Variants in FYN observed in about 807,000 individuals in gnomAD.
FYN encodes the protein FYN proto-oncogene, Src family tyrosine kinase.
In FYN, 10 loss-of-function variants were observed where a neutral mutation model predicts 70.2. The ratio of observed to expected loss-of-function variants is 0.14; its 90% CI spans 0.09 to 0.24. The LOEUF (loss-of-function observed/expected upper bound fraction) is 0.24, where lower values mean the gene tolerates loss of function less well. Among genes scored for constraint, FYN ranks in the 10% least tolerant of loss-of-function variants. The probability of loss-of-function intolerance (pLI) is 1.00; values close to 1 mark genes in which losing one functional copy is unlikely to be tolerated. For synonymous variants in FYN, 236 were observed against 248.6 expected, an observed-to-expected ratio of 0.95 and a Z score of 0.48; for missense variants, 319 against 673.1, an observed-to-expected ratio of 0.47 and a Z score of 5.82.
intron 2 of FYN, among the ~76,000 whole-genome samples, chr6:111,783,537 C>G (rs1410594652): frequency 1.3e-5 from 2 of 152,176 alleles, no homozygotes. Context: ...GTTTCAAGAG[C>G]TGCAACGCCT....
chr6:111,855,111 A>G (rs1207756061), intron 1 of FYN, among the ~76,000 whole-genome samples: 1 of 152,230 alleles, frequency 6.6e-6, no homozygotes, highest in East Asian at 1.9e-4. Flanking sequence ...AGAAGAAAAA[A>G]ACTTCACCAA....
chr6:111,767,010 A>G (rs1415705523), intron 3 of FYN, among the ~76,000 whole-genome samples: 2 of 152,362 alleles, frequency 1.3e-5, no homozygotes, highest in African/African-American at 4.8e-5. Context: ...TATAGGGGAT[A>G]TAGTTGTCCT....
chr6:111,727,850 C>T (rs1414632211), intron 3 of FYN, among the ~76,000 whole-genome samples: 1 of 152,168 alleles, frequency 6.6e-6, no homozygotes, highest in Non-Finnish European at 1.5e-5. Context: ...TGTGGGTCCC[C>T]ATCTCTGGCT....
intron 3 of FYN, among the ~76,000 whole-genome samples, chr6:111,727,682 G>C (rs923748440): frequency 1.3e-5 from 2 of 152,150 alleles, no homozygotes; most frequent in Non-Finnish European, 2.9e-5. Context: ...GAACCCATTC[G>C]ATCATTTACG....
intron 3 of FYN, among the ~76,000 whole-genome samples, chr6:111,750,161 C>A (rs978825249): frequency 6.6e-6 from 1 of 152,168 alleles, no homozygotes; most frequent in Non-Finnish European, 1.5e-5. Flanking sequence ...GCATGTATGT[C>A]TCCGTCCAAA....
intron 2 of FYN, among the ~76,000 whole-genome samples, chr6:111,792,500 C>A (rs1288150195): frequency 7.2e-5 from 11 of 152,202 alleles, no homozygotes; most frequent in Admixed American, 5.9e-4. Context: ...TGCTTACCCA[C>A]TGATATGCAC....
At position 111,714,382 on chromosome 6, in the gene FYN, A is replaced by G. The variant is rs1800523612; in HGVS notation, c.309T>C (p.Phe103=). 1 of 1,614,014 alleles carries G rather than the reference A, an allele frequency of 6.2e-7. No homozygotes were observed. Among genetic ancestry groups the G allele is most frequent in the Non-Finnish European group, 8.5e-7 (1 of 1,179,986 alleles). The change falls in exon 5 of 14, where the codon TTT becomes TTC. Residue 103 remains phenylalanine (F), a synonymous_variant. Coordinates refer to ENST00000354650, the MANE Select transcript of FYN (RefSeq NM_002037.5). Reference sequence around the variant, plus strand: ...ATATTTGAAATTTTTCTCCTTTGTGAAAACTCAGGTCATCTTCTGTCCGTG... The same window carrying G: ...ATATTTGAAATTTTTCTCCTTTGTGGAAACTCAGGTCATCTTCTGTCCGTG... The part of the protein sequence containing the change: ...YEARTEDDLS[F]HKGEKFQILN...
At chr6:111,787,936 C>G (rs540354750) in intron 2 of FYN, among the ~76,000 whole-genome samples, 2 of 152,282 alleles carry the variant, frequency 1.3e-5, no homozygotes, top group East Asian at 3.9e-4. Context: ...ATTCCAAACC[C>G]ACCACATCAG....
chr6:111,689,261 A>C (rs1382320931), intron 12 of FYN, among the ~76,000 whole-genome samples: 2 of 152,252 alleles, frequency 1.3e-5, no homozygotes, highest in Non-Finnish European at 2.9e-5. Context: ...ATTCAAAGCC[A>C]GGGATCCTAA....
chr6:111,828,848 A>G (rs1277586815), intron 2 of FYN, among the ~76,000 whole-genome samples: 1 of 152,252 alleles, frequency 6.6e-6, no homozygotes. Context: ...TACACTTAAC[A>G]CAACTGAATT....
chr6:111,743,870 C>T (rs533091140), intron 3 of FYN, among the ~76,000 whole-genome samples: 10 of 152,284 alleles, frequency 6.6e-5, no homozygotes, highest in African/African-American at 2.4e-4. Context: ...AGATCTGGCT[C>T]TCTTACTCCC....
chr6:111,747,092 T>C (rs993147385), intron 3 of FYN, among the ~76,000 whole-genome samples: 4 of 152,202 alleles, frequency 2.6e-5, no homozygotes, highest in Non-Finnish European at 2.9e-5. Context: ...GGATTCTACA[T>C]TGTTTTTCCC....
intron 1 of FYN, among the ~76,000 whole-genome samples, chr6:111,862,268 C>T (rs915393709): frequency 2.6e-5 from 4 of 152,146 alleles, no homozygotes; most frequent in African/African-American, 9.7e-5. Flanking sequence ...AAAGGAGTAA[C>T]TATTTCCCCA....
intron 2 of FYN, among the ~76,000 whole-genome samples, chr6:111,834,661 T>G (rs897796582): frequency 6.6e-6 from 1 of 152,210 alleles, no homozygotes; most frequent in African/African-American, 2.4e-5. Context: ...CCATTTCTAA[T>G]CTGTCTGCCC....
At chr6:111,830,207 C>T (rs570605679) in intron 2 of FYN, among the ~76,000 whole-genome samples, 12 of 152,178 alleles carry the variant, frequency 7.9e-5, no homozygotes, top group African/African-American at 2.9e-4. Flanking sequence ...TGTGAGATGC[C>T]CAACGATGGC....
At chr6:111,693,214 G>A (rs1799421483) in intron 12 of FYN, among the ~76,000 whole-genome samples, 1 of 152,180 alleles carries the variant, frequency 6.6e-6, no homozygotes, top group African/African-American at 2.4e-5. Flanking sequence ...GAATCAAGAG[G>A]AGGAGGAACA....
At chr6:111,700,051 T>C in intron 9 of FYN, 53 bp downstream of exon 9, 3 of 1,547,026 alleles carry the variant, frequency 1.9e-6, no homozygotes, top group Non-Finnish European at 2.7e-6. Context: ...CTTTGGTGTT[T>C]GGGATCTTCC....
At chr6:111,722,669 G>T (rs1202186307) in intron 3 of FYN, among the ~76,000 whole-genome samples, 1 of 152,160 alleles carries the variant, frequency 6.6e-6, no homozygotes, top group Non-Finnish European at 1.5e-5. Context: ...GAGACATATT[G>T]GGCAATGTCT....
At chr6:111,757,055 A>C in intron 3 of FYN, among the ~76,000 whole-genome samples, 1 of 152,212 alleles carries the variant, frequency 6.6e-6, no homozygotes, top group South Asian at 2.1e-4. Flanking sequence ...GAAAAAGAAC[A>C]AAAACTTGTA....
Sources: allele counts gnomAD v4.1 joint callset (sites outside exome capture counted in the v4.1 genomes callset), GRCh38; gene constraint gnomAD v4.1.1; transcripts MANE v1.5; gene names NCBI Gene and HGNC (gene_info 2026-07-23, HGNC 2026-07-21).